PHLPP2: variants seen among roughly 807,000 people sequenced by gnomAD.
PHLPP2 encodes PH domain and leucine rich repeat protein phosphatase 2.
In PHLPP2, 66 loss-of-function variants were observed where a neutral mutation model predicts 124.9. The ratio of observed to expected loss-of-function variants is 0.53; its 90% CI spans 0.43 to 0.65. The LOEUF is 0.65. Ranked by LOEUF, PHLPP2 falls within the 30% of genes least tolerant of loss-of-function variation. The pLI is 0.00. For synonymous variants in PHLPP2, 681 were observed against 624.7 expected (o/e 1.09, Z -1.34); for missense variants, 1,685 against 1,600.4 (o/e 1.05, Z -0.90).
rs1363701838 is a variant in PHLPP2, at chr16:71,656,623, T to A, written c.2338A>T (p.Thr780Ser). The A allele has an allele frequency of 6.2e-7, 1 of 1,613,896 alleles. No homozygotes were observed. Among genetic ancestry groups the A allele is most frequent in the Admixed American group, 1.7e-5 (1 of 60,018 alleles). ...KPLPTTDSTV[T>S]STFWSHGLAE... ...AGTCCATGGCTCCAGAAGGTTGACG[T>A]AACTGTAGAATCTGTGGTTGGCAAA... is the stretch of plus-strand genomic sequence containing the variant. Residue 780 changes from threonine (T) to serine (S), a missense_variant, in exon 16 of 19, where the codon ACG (threonine) becomes TCG (serine). By Grantham distance (58) the Thr-to-Ser change is moderately conservative. Coordinates refer to ENST00000568954, the MANE Select transcript of PHLPP2 (RefSeq NM_015020.3).
intron 3 of PHLPP2, among the ~76,000 whole-genome samples, chr16:71,700,250 CA>C (rs2045217519): frequency 6.6e-6 from 1 of 151,940 alleles, no homozygotes; most frequent in African/African-American, 2.4e-5. Flanking sequence ...ACAAAAAATA[CA>C]AAAATTAGCC....
chr16:71,649,694 A>G lies in PHLPP2; in HGVS notation c.3168T>C (p.Ala1056=), dbSNP rs2044681812. 6.2e-7 allele frequency: 1 copy of G among 1,614,164 alleles called. No homozygotes were observed. The highest frequency in any genetic ancestry group is 8.5e-7 in the Non-Finnish European group (1 of 1,180,004). The change falls in exon 19 of 19, where the codon GCT becomes GCC. Residue 1056 remains alanine (A), a synonymous_variant. Transcript: ENST00000568954. ...GGGCATCCTTGATAGTGGTGGTTGAAGCAAATCCCACAGGACCTGGGAGGG... is the reference window on the plus strand; with the variant it reads ...GGGCATCCTTGATAGTGGTGGTTGAGGCAAATCCCACAGGACCTGGGAGGG... The part of the protein sequence containing the change: ...GLTLPGPVGF[A]STTTIKDAPK...
rs772580196 is a variant in PHLPP2, at chr16:71,649,463, A to C, written c.3399T>G (p.Pro1133=). The C allele has an allele frequency of 2.5e-6, 4 of 1,614,142 alleles. No individual in the cohort carries two copies. The highest frequency in any genetic ancestry group is 2.2e-5 in the East Asian group (1 of 44,878). Reference sequence around the variant, plus strand: ...GGTTACTGGAGAAGGTAGCAGAAGAAGGCTGGCGCTGAAACAGCCCAGAGG... The same window carrying C: ...GGTTACTGGAGAAGGTAGCAGAAGACGGCTGGCGCTGAAACAGCCCAGAGG... ...TPTSGLFQRQ[P]SSATFSSNQS... The change falls in exon 19 of 19, where the codon CCT becomes CCG. Residue 1133 remains proline (P), a synonymous_variant. Coordinates refer to ENST00000568954, the MANE Select transcript of PHLPP2 (RefSeq NM_015020.3).
intron 2 of PHLPP2, among the ~76,000 whole-genome samples, chr16:71,704,498 A>C (rs1434942004): frequency 1.3e-5 from 2 of 152,014 alleles, no homozygotes; most frequent in African/African-American, 2.4e-5. Context: ...CAAAATGATA[A>C]TTTTGGAACA....
intron 18 of PHLPP2, 68 bp downstream of exon 18, chr16:71,652,722 T>C (rs1428554904): frequency 2.2e-5 from 25 of 1,149,572 alleles, no homozygotes; most frequent in Non-Finnish European, 3.3e-5. Context: ...TGGGCCTTCA[T>C]CACCTCTACA....
Position 71,710,451 on chromosome 16 carries a change from T to C in PHLPP2, c.284+4061A>G, listed in dbSNP as rs567852816. Among the ~76,000 whole-genome samples, 184 of 152,204 alleles carry C rather than the reference T, an allele frequency of 1.2e-3. 1 individual carries two copies. The highest frequency in any genetic ancestry group is 2.0e-3 in the Non-Finnish European group (139 of 68,038). ...GGTAATTTTAATCCCAGTAATCCCA[T>C]TTCCAGGACCTAGCCTAGGGAAATC... On this transcript the variant is annotated intron_variant, in intron 2 of 18. Coordinates refer to ENST00000568954, the MANE Select transcript of PHLPP2 (RefSeq NM_015020.3).
intron 4 of PHLPP2, among the ~76,000 whole-genome samples, chr16:71,686,771 C>CTT (rs545788678): frequency 0.037 from 5,216 of 142,762 alleles, 306 homozygotes; most frequent in African/African-American, 0.13. Context: ...AGTTCTTTCC[C>CTT]TTTTTTTTTT....
At chr16:71,713,042 TA>T (rs2045333943) in intron 2 of PHLPP2, among the ~76,000 whole-genome samples, 1 of 152,206 alleles carries the variant, frequency 6.6e-6, no homozygotes, top group Admixed American at 6.5e-5. Flanking sequence ...AAGACTATTA[TA>T]AAAATATTTT....
chr16:71,723,645 C>A (rs2045412639), intron 1 of PHLPP2: 1 of 401,336 alleles, frequency 2.5e-6, no homozygotes, highest in Non-Finnish European at 4.0e-6. Context: ...GGGCGGGGGC[C>A]GCCGACTGCC....
Position 71,649,606 on chromosome 16 carries a change from T to C in PHLPP2, c.3256A>G (p.Thr1086Ala), listed in dbSNP as rs551942146. 1.9e-6 allele frequency: 3 copies of C among 1,614,112 alleles called. No individual in the cohort carries two copies. Among genetic ancestry groups the C allele is most frequent in the African/African-American group, 1.3e-5 (1 of 75,036 alleles). ...IASEFSSEMS[T>A]SEVSSEVGST... ...CCCACTTCACTGCTCACCTCTGAGGTGGACATCTCACTGCTGAACTCAGAG... is the reference window on the plus strand; with the variant it reads ...CCCACTTCACTGCTCACCTCTGAGGCGGACATCTCACTGCTGAACTCAGAG... The change falls in exon 19 of 19, where the codon ACC becomes GCC. Residue 1086 changes from threonine (T) to alanine (A), a missense_variant. Transcript: ENST00000568954.
At chr16:71,688,856 T>A (rs993193050) in intron 4 of PHLPP2, among the ~76,000 whole-genome samples, 1 of 152,208 alleles carries the variant, frequency 6.6e-6, no homozygotes, top group Admixed American at 6.5e-5. Context: ...TTACAAACAC[T>A]CATTCATTAA....
At chr16:71,709,540 C>G (rs1427858391) in intron 2 of PHLPP2, among the ~76,000 whole-genome samples, 1 of 152,174 alleles carries the variant, frequency 6.6e-6, no homozygotes, top group Non-Finnish European at 1.5e-5. Flanking sequence ...CACAAATGAT[C>G]TTAACAACTT....
At chr16:71,690,798 A>C (rs976260957) in intron 3 of PHLPP2, 89 bp from the exon 4 acceptor site, 2 of 851,506 alleles carry the variant, frequency 2.3e-6, no homozygotes, top group African/African-American at 3.4e-5. Flanking sequence ...GTCAACATTC[A>C]ACAACCTTAT....
intron 15 of PHLPP2, 84 bp from the exon 16 acceptor site, chr16:71,656,765 T>C: frequency 1.2e-6 from 1 of 828,808 alleles, no homozygotes; most frequent in Non-Finnish European, 2.0e-6. Context: ...TTTTTTTTTT[T>C]TTGAGATGGA....
At chr16:71,661,282 G>A (rs1405343536) in intron 13 of PHLPP2, among the ~76,000 whole-genome samples, 2 of 151,828 alleles carry the variant, frequency 1.3e-5, no homozygotes, top group Non-Finnish European at 2.9e-5. Context: ...TGTTGCCCAG[G>A]CTGGTCTTAA....
At chr16:71,716,532 GA>G (rs1480256101) in intron 1 of PHLPP2, among the ~76,000 whole-genome samples, 1 of 152,144 alleles carries the variant, frequency 6.6e-6, no homozygotes, top group Non-Finnish European at 1.5e-5. Context: ...CTATTTTTAT[GA>G]TGGGCTATTT....
chr16:71,686,613 G>A (rs1208547836), intron 4 of PHLPP2, among the ~76,000 whole-genome samples: 1 of 151,898 alleles, frequency 6.6e-6, no homozygotes, highest in African/African-American at 2.4e-5. Flanking sequence ...CCATGCCCTG[G>A]CAATCACTGA....
At chr16:71,722,684 A>G (rs945003441) in intron 1 of PHLPP2, among the ~76,000 whole-genome samples, 2 of 152,022 alleles carry the variant, frequency 1.3e-5, no homozygotes, top group Admixed American at 1.3e-4. Flanking sequence ...TCAAATTTAA[A>G]TTTTCTTTCC....
At chr16:71,714,473 T>C in intron 2 of PHLPP2, 39 bp downstream of exon 2, 3 of 1,535,424 alleles carry the variant, frequency 2.0e-6, no homozygotes, top group Non-Finnish European at 2.6e-6. Context: ...TTATTATTTA[T>C]ATTACGGTAG....
Sources: allele counts gnomAD v4.1 joint callset (sites outside exome capture counted in the v4.1 genomes callset), GRCh38; gene constraint gnomAD v4.1.1; transcripts MANE v1.5; gene names NCBI Gene and HGNC (gene_info 2026-07-23, HGNC 2026-07-21).